The following INTS6L variants were observed in gnomAD, a reference collection of about 807,000 sequenced individuals.
INTS6L encodes integrator complex subunit 6 like.
A neutral mutation model predicts 64.7 loss-of-function variants in INTS6L; 18 were observed. The ratio of observed to expected loss-of-function variants is 0.28; its 90% CI spans 0.19 to 0.41. The LOEUF is 0.41. INTS6L is among the 10% of genes least tolerant of loss of function. The probability of loss-of-function intolerance (pLI) is 1.00; values close to 1 mark genes in which losing one functional copy is unlikely to be tolerated. For synonymous variants in INTS6L, 227 were observed against 235.9 expected, an observed-to-expected ratio of 0.96 and a Z score of 0.34; for missense variants, 533 against 661.0, an observed-to-expected ratio of 0.81 and a Z score of 2.12.
chrX:135,522,299 A>G (rs1229485032), intron 2 of INTS6L, among the ~76,000 whole-genome samples: 4 of 111,693 alleles, frequency 3.6e-5, no homozygotes, highest in South Asian at 7.5e-4. Flanking sequence ...CAGGGACAAG[A>G]AAGAAAGGAA....
At chrX:135,538,791 A>T (rs1418641547) in intron 2 of INTS6L, among the ~76,000 whole-genome samples, 2 of 112,556 alleles carry the variant, frequency 1.8e-5, no homozygotes, top group Non-Finnish European at 3.8e-5. Flanking sequence ...AGCAGGCATG[A>T]CAACAACATT....
chrX:135,531,826 G>A (rs1556505572), intron 2 of INTS6L, among the ~76,000 whole-genome samples: 2 of 111,845 alleles, frequency 1.8e-5, no homozygotes. Context: ...CCCTCTGAGT[G>A]TATCTCCCCA....
intron 9 of INTS6L, among the ~76,000 whole-genome samples, chrX:135,557,545 T>C (rs782264824): frequency 2.7e-5 from 3 of 111,427 alleles, no homozygotes; most frequent in Non-Finnish European, 3.8e-5. Context: ...AGTTTCCTCC[T>C]GCCCTGGTAA....
At chrX:135,546,228 T>G in intron 3 of INTS6L, 152 bp from the exon 4 acceptor site, 1 of 345,480 alleles carries the variant, frequency 2.9e-6, no homozygotes, top group Non-Finnish European at 5.0e-6. Flanking sequence ...GTTATTTTTA[T>G]TCCTACCCAT....
At chrX:135,549,293 A>G (rs1248788030) in intron 6 of INTS6L, among the ~76,000 whole-genome samples, 2 of 112,557 alleles carry the variant, frequency 1.8e-5, no homozygotes, top group Non-Finnish European at 3.8e-5. Context: ...TAGTAATTGA[A>G]TTCTTGAAAA....
intron 2 of INTS6L, 26 bp from the exon 3 acceptor site, chrX:135,545,397 A>G (rs1556514585): frequency 8.3e-7 from 1 of 1,203,975 alleles, no homozygotes; most frequent in Non-Finnish European, 1.1e-6. Context: ...TAATCAAGAA[A>G]TTCTTTGTAA....
chrX:135,554,564 GGTAGTA>G (rs1556518372), intron 8 of INTS6L, among the ~76,000 whole-genome samples: 3 of 111,591 alleles, frequency 2.7e-5, no homozygotes, highest in Non-Finnish European at 3.8e-5. Flanking sequence ...AGGTGATATT[GGTAGTA>G]CTGAGAACTA....
intron 8 of INTS6L, among the ~76,000 whole-genome samples, chrX:135,553,611 T>C (rs1556517922): frequency 9.2e-6 from 1 of 108,996 alleles, no homozygotes; most frequent in Non-Finnish European, 1.9e-5. Flanking sequence ...GCATCAACCA[T>C]TGTGCCTGGC....
chrX:135,558,787 CTTTTTTTTTTTT>C (rs1164910175), intron 9 of INTS6L, among the ~76,000 whole-genome samples: 2 of 94,671 alleles, frequency 2.1e-5, no homozygotes, highest in African/African-American at 3.9e-5. Flanking sequence ...TTTCTTTTTT[CTTTTTTTTTTTT>C]TTTTGAGACA....
Position 135,580,000 on chromosome X carries a change from G to A in INTS6L, c.2332G>A (p.Gly778Arg). Residue 778 changes from glycine (G) to arginine (R), a missense_variant, in exon 16 of 18, where the codon GGA becomes AGA. Coordinates refer to ENST00000639893, the MANE Select transcript of INTS6L (RefSeq NM_001351601.3). Reference sequence around the variant, plus strand: ...ACCTGGTAGTAACGCATTTGTAGGAGGAGCCAAAAACTGCAGTCTCTCCGT... The same window carrying A: ...ACCTGGTAGTAACGCATTTGTAGGAAGAGCCAAAAACTGCAGTCTCTCCGT... ...QKPGSNAFVGGAKNCSLSVDD... is the reference protein window; with the variant it reads ...QKPGSNAFVGRAKNCSLSVDD... 8.3e-7 allele frequency: 1 copy of A among 1,211,922 alleles called. No individual in the cohort carries two copies.
chrX:135,534,895 G>A (rs5975540), intron 2 of INTS6L, among the ~76,000 whole-genome samples: 1 of 109,264 alleles, frequency 9.2e-6, no homozygotes, highest in African/African-American at 3.4e-5. Flanking sequence ...TCTTGAACTC[G>A]TGGGCTCCAG....
At chrX:135,549,400 C>T (rs1368529510) in intron 6 of INTS6L, among the ~76,000 whole-genome samples, 1 of 112,339 alleles carries the variant, frequency 8.9e-6, no homozygotes, top group Non-Finnish European at 1.9e-5. Flanking sequence ...TGCATATTCT[C>T]TTACTAGGTT....
intron 15 of INTS6L, among the ~76,000 whole-genome samples, chrX:135,578,078 C>G (rs1241552534): frequency 9.0e-6 from 1 of 111,567 alleles, no homozygotes; most frequent in Non-Finnish European, 1.9e-5. Flanking sequence ...CTTTCATCCT[C>G]TTTTTCTGGT....
chrX:135,556,048 T>G (rs1331343068), intron 8 of INTS6L, 120 bp from the exon 9 acceptor site: 1 of 735,789 alleles, frequency 1.4e-6, no homozygotes, highest in Non-Finnish European at 1.9e-6. Flanking sequence ...AAAACACTAT[T>G]GCTATTTTAA....
intron 2 of INTS6L, among the ~76,000 whole-genome samples, chrX:135,536,128 G>T (rs1301193438): frequency 9.0e-6 from 1 of 111,715 alleles, no homozygotes; most frequent in East Asian, 2.8e-4. Flanking sequence ...CACCAAGTCA[G>T]GGGGACACCA....
chrX:135,560,317 C>T (rs1160627886), intron 9 of INTS6L, among the ~76,000 whole-genome samples: 1 of 111,476 alleles, frequency 9.0e-6, no homozygotes, highest in Non-Finnish European at 1.9e-5. Context: ...TTGTAGATTC[C>T]CTGGAATTTT....
At chrX:135,568,522 T>G (rs182765916) in intron 9 of INTS6L, among the ~76,000 whole-genome samples, 97 of 110,963 alleles carry the variant, frequency 8.7e-4, no homozygotes, top group African/African-American at 3.1e-3. Flanking sequence ...ATAGGCTGAT[T>G]AAAATTTTTA....
At chrX:135,575,019 T>C in intron 13 of INTS6L, 65 bp from the exon 14 acceptor site, 1 of 1,140,784 alleles carries the variant, frequency 8.8e-7, no homozygotes, top group African/African-American at 1.8e-5. Context: ...ACTATGATCA[T>C]GTCTTCTCGA....
At chrX:135,523,099 T>C (rs1421523862) in intron 2 of INTS6L, among the ~76,000 whole-genome samples, 1 of 111,426 alleles carries the variant, frequency 9.0e-6, no homozygotes, top group African/African-American at 3.3e-5. Context: ...AGGAACAACT[T>C]ATTGGCCGGG....
Sources: allele counts gnomAD v4.1 joint callset (sites outside exome capture counted in the v4.1 genomes callset), GRCh38; gene constraint gnomAD v4.1.1; transcripts MANE v1.5; gene names NCBI Gene and HGNC (gene_info 2026-07-23, HGNC 2026-07-21).